The following VWA5B1 variants were observed in gnomAD, a reference collection of about 807,000 sequenced individuals.
VWA5B1 encodes the protein von Willebrand factor A domain containing 5B1, also known as von Willebrand factor A domain-containing protein 5B1.
VWA5B1 carries 115 observed loss-of-function variants against 118.2 expected under a neutral mutation model. That is an observed-to-expected ratio of 0.97 (90% confidence interval 0.84 to 1.14). The LOEUF (loss-of-function observed/expected upper bound fraction) is 1.14, where lower values mean the gene tolerates loss of function less well. Among genes scored for constraint, VWA5B1 ranks in the 50% most tolerant of loss-of-function variants. The pLI is 0.00. For synonymous variants in VWA5B1, 682 were observed against 658.4 expected (o/e 1.04, Z -0.55); for missense variants, 1,596 against 1,603.8 (o/e 1.00, Z 0.08).
intron 8 of VWA5B1, among the ~76,000 whole-genome samples, chr1:20,327,194 C>A (rs1010035656): frequency 3.9e-5 from 6 of 152,122 alleles, no homozygotes; most frequent in Admixed American, 3.9e-4. Context: ...AGTCCTGACT[C>A]CATTATTTAC....
intron 21 of VWA5B1, 57 bp downstream of exon 21, chr1:20,352,229 T>C: frequency 7.6e-7 from 1 of 1,315,616 alleles, no homozygotes; most frequent in Non-Finnish European, 1.1e-6. Flanking sequence ...CAGCAGGGCC[T>C]TCCTGTGATC....
At chr1:20,319,839 C>T (rs2089151259) in intron 7 of VWA5B1, among the ~76,000 whole-genome samples, 1 of 152,208 alleles carries the variant, frequency 6.6e-6, no homozygotes, top group South Asian at 2.1e-4. Flanking sequence ...GCCCAGGACC[C>T]TTCAGCTCCT....
rs67596546 is a variant in VWA5B1, at chr1:20,291,359, TTCTCTC to T, written c.-27+293_-27+298del. 2.6e-3 allele frequency among the ~76,000 whole-genome samples: 269 copies of T among 103,404 alleles called. 3 individuals are homozygous for T. Among genetic ancestry groups the T allele is most frequent in the African/African-American group, 8.8e-3 (242 of 27,640 alleles). 67.8% of individuals were successfully genotyped at this position (103,404 alleles called of 152,430 possible). ...TCTCTCTCTTTCTTTCTTTCTTTCTTTCTCTCTCTCTCTCTCTCTCTCTCTCTTTCT... is the reference window on the plus strand; with the variant it reads ...TCTCTCTCTTTCTTTCTTTCTTTCTTTCTCTCTCTCTCTCTCTCTCTTTCT... On this transcript the variant is annotated intron_variant, in intron 1 of 21. Transcript: ENST00000289815.
In VWA5B1 at chr1:20,353,815, C is replaced by A; in HGVS notation, c.3200C>A (p.Thr1067Lys). The A allele has an allele frequency of 6.7e-7, 1 of 1,499,732 alleles. No individual in the cohort carries two copies. Among genetic ancestry groups the A allele is most frequent in the Non-Finnish European group, 8.9e-7 (1 of 1,121,734 alleles). 92.9% of individuals were successfully genotyped at this position (1,499,732 alleles called of 1,614,324 possible). Residue 1067 changes from threonine (T) to lysine (K), a missense_variant, in exon 22 of 22, where the codon ACG becomes AAG. Physicochemically the swap from Thr to Lys is moderately conservative, Grantham distance 78. Transcript: ENST00000289815. ...CTCAACGAAGCCTTCTGTGAGGCCA[C>A]GCACATCCCCATGGAGAAGCTCAAG... is the stretch of plus-strand genomic sequence containing the variant. ...FLLNEAFCEATHIPMEKLKWT... is the reference protein window; with the variant it reads ...FLLNEAFCEAKHIPMEKLKWT...
intron 14 of VWA5B1, among the ~76,000 whole-genome samples, chr1:20,340,512 G>A (rs11580208): frequency 0.52 from 79,283 of 152,014 alleles, 21,584 homozygotes; most frequent in East Asian, 0.91. Flanking sequence ...GGGGAAGCAC[G>A]GTCCGCCTCC....
intron 2 of VWA5B1, among the ~76,000 whole-genome samples, chr1:20,311,904 A>G (rs1317780757): frequency 2.6e-5 from 4 of 152,196 alleles, no homozygotes; most frequent in African/African-American, 7.2e-5. Context: ...GGCGACTTAA[A>G]TGAGGATCTA....
chr1:20,328,421 G>A (rs2089451641), intron 9 of VWA5B1, among the ~76,000 whole-genome samples: 1 of 151,996 alleles, frequency 6.6e-6, no homozygotes, highest in Non-Finnish European at 1.5e-5. Context: ...GCGTGGCAGC[G>A]GGCTAAGAAT....
At chr1:20,324,485 A>T (rs561730812) in intron 8 of VWA5B1, among the ~76,000 whole-genome samples, 21 of 152,294 alleles carry the variant, frequency 1.4e-4, no homozygotes, top group African/African-American at 4.3e-4. Context: ...CATTTAGGAA[A>T]AGGGTCGTCT....
intron 8 of VWA5B1, among the ~76,000 whole-genome samples, chr1:20,325,196 C>T (rs956486679): frequency 6.6e-6 from 1 of 152,192 alleles, no homozygotes; most frequent in Middle Eastern, 3.2e-3. Context: ...CCTTACATTG[C>T]TTATGGAGAA....
intron 14 of VWA5B1, among the ~76,000 whole-genome samples, chr1:20,339,428 G>C (rs1276790795): frequency 2.6e-5 from 4 of 152,164 alleles, no homozygotes; most frequent in Admixed American, 6.5e-5. Context: ...TGTAATTCCA[G>C]CTACTCGGGA....
intron 1 of VWA5B1, among the ~76,000 whole-genome samples, chr1:20,298,015 T>TTG (rs1553193557): frequency 0.019 from 2,669 of 139,596 alleles, 16 homozygotes; most frequent in African/African-American, 0.03. Flanking sequence ...TTTTTTTTTT[T>TTG]TTTGTTTGTT....
At chr1:20,313,058 C>T (rs2100845965) in intron 3 of VWA5B1, 70 bp downstream of exon 3, 1 of 1,519,360 alleles carries the variant, frequency 6.6e-7, no homozygotes, top group East Asian at 2.5e-5. Flanking sequence ...GCTGGAGCCT[C>T]AGGCCAACTG....
At chr1:20,340,305 G>C (rs1272511011) in intron 14 of VWA5B1, among the ~76,000 whole-genome samples, 1 of 152,168 alleles carries the variant, frequency 6.6e-6, no homozygotes, top group African/African-American at 2.4e-5. Flanking sequence ...GTTGCTCTCT[G>C]TGACCCAGTG....
At chr1:20,331,765 G>T (rs1422993888) in intron 11 of VWA5B1, among the ~76,000 whole-genome samples, 3 of 152,000 alleles carry the variant, frequency 2.0e-5, no homozygotes, top group African/African-American at 7.3e-5. Flanking sequence ...CAAAAGCTGG[G>T]GTGCTGCATC....
chr1:20,295,813 A>G (rs2088395919), intron 1 of VWA5B1, among the ~76,000 whole-genome samples: 1 of 152,106 alleles, frequency 6.6e-6, no homozygotes, highest in South Asian at 2.1e-4. Flanking sequence ...TTCAGGCCCC[A>G]TGGAGGAGTC....
Position 20,352,046 on chromosome 1 carries a change from C to T in VWA5B1, c.3024-9C>T, listed in dbSNP as rs534750278. Reference sequence around the variant, plus strand: ...GGATGCCCAGGGCCACCTGACTTCACCTGCACAGGCTAAATCTCAACAAGT... The same window carrying T: ...GGATGCCCAGGGCCACCTGACTTCATCTGCACAGGCTAAATCTCAACAAGT... On this transcript the variant is annotated splice_polypyrimidine_tract_variant and intron_variant, in intron 20 of 21. Coordinates refer to ENST00000289815, the MANE Select transcript of VWA5B1 (RefSeq NM_001039500.3). The T allele has an allele frequency of 6.5e-7, 1 of 1,549,540 alleles. No individual in the cohort carries two copies.
At position 20,343,277 on chromosome 1, in the gene VWA5B1, A is replaced by AGCGGG. The variant is rs750980852; in HGVS notation, c.2515_2519dup (p.Gln842AlafsTer44). On this transcript the variant is annotated frameshift_variant, in exon 16 of 22. Coordinates refer to ENST00000289815, the MANE Select transcript of VWA5B1 (RefSeq NM_001039500.3). LOFTEE classifies it high-confidence loss of function. ...TTCGAGCTGGGGACCCCTGGACCGG[A>AGCGGG]GCGGGGCGGCGCGCAGGATGCCGAC... 10 of 1,548,136 alleles carry AGCGGG rather than the reference A, an allele frequency of 6.5e-6. No homozygotes were observed. Among genetic ancestry groups the AGCGGG allele is most frequent in the African/African-American group, 1.4e-5 (1 of 73,104 alleles).
intron 7 of VWA5B1, 133 bp from the exon 8 acceptor site, chr1:20,323,223 A>T: frequency 1.2e-6 from 1 of 815,326 alleles, no homozygotes; most frequent in Non-Finnish European, 1.7e-6. Flanking sequence ...AGCTGAGCAC[A>T]GTCAGCCCGG....
At chr1:20,350,969 T>A in intron 20 of VWA5B1, 43 bp downstream of exon 20, 1 of 1,535,538 alleles carries the variant, frequency 6.5e-7, no homozygotes. Context: ...CTGCCACCCA[T>A]TTTCCTGGGG....
Sources: gnomAD v4.1 joint callset for allele counts (sites outside exome capture counted in the v4.1 genomes callset) on GRCh38, gnomAD v4.1.1 for gene constraint, MANE v1.5 for transcripts, NCBI Gene and HGNC (gene_info 2026-07-23, HGNC 2026-07-21) for gene names.